Variants in PGPEP1L observed in about 807,000 individuals in gnomAD.
PGPEP1L encodes the protein pyroglutamyl-peptidase I like.
Under a neutral mutation model 6.0 loss-of-function variants are expected in PGPEP1L, and 7 were observed. That is an observed-to-expected ratio of 1.17 (90% CI 0.66 to 2.19). PGPEP1L has a LOEUF of 2.19. PGPEP1L is among the 30% of genes most tolerant of loss of function. The pLI, the probability that PGPEP1L is intolerant of heterozygous loss-of-function variation, is 0.00. For missense variants in PGPEP1L, 209 were observed against 192.5 expected, an observed-to-expected ratio of 1.09 and a Z score of -0.51; for synonymous variants, 103 against 83.9, an observed-to-expected ratio of 1.23 and a Z score of -1.24.
intron 2 of PGPEP1L, 119 bp downstream of exon 2, chr15:99,005,310 G>C (rs1484475529): frequency 6.6e-6 from 1 of 152,312 alleles, no homozygotes; most frequent in Non-Finnish European, 1.5e-5. Flanking sequence ...AGCACCACCA[G>C]TTGCCATTCT....
chr15:98,987,917 G>C (rs1239606187), intron 2 of PGPEP1L, among the ~76,000 whole-genome samples: 2 of 152,140 alleles, frequency 1.3e-5, no homozygotes, highest in African/African-American at 2.4e-5. Flanking sequence ...AAGGGAAGCT[G>C]TGAGAGACTG....
intron 2 of PGPEP1L, among the ~76,000 whole-genome samples, chr15:98,981,147 C>G (rs1383155283): frequency 6.6e-6 from 1 of 152,078 alleles, no homozygotes; most frequent in Non-Finnish European, 1.5e-5. Flanking sequence ...AATTGAGGAA[C>G]AAACTATCAA....
At chr15:98,982,145 G>T (rs1196401750) in intron 2 of PGPEP1L, among the ~76,000 whole-genome samples, 1 of 152,216 alleles carries the variant, frequency 6.6e-6, no homozygotes, top group Non-Finnish European at 1.5e-5. Context: ...TAGGAGCACG[G>T]TGTTTGTGGG....
chr15:98,974,678 C>G (rs112162002), intron 2 of PGPEP1L, among the ~76,000 whole-genome samples: 2 of 152,294 alleles, frequency 1.3e-5, no homozygotes, highest in African/African-American at 4.8e-5. Context: ...GGGTGGATCA[C>G]CTGAAGTTGA....
chr15:98,983,084 ATG>A (rs2017691374), intron 2 of PGPEP1L, among the ~76,000 whole-genome samples: 1 of 151,184 alleles, frequency 6.6e-6, no homozygotes, highest in African/African-American at 2.4e-5. Context: ...TCTGTCATAT[ATG>A]TGTTTGTATT....
chr15:98,976,334 A>G (rs1385518908), intron 2 of PGPEP1L, among the ~76,000 whole-genome samples: 1 of 152,234 alleles, frequency 6.6e-6, no homozygotes, highest in Non-Finnish European at 1.5e-5. Flanking sequence ...CGAAGACTAA[A>G]TCCGTAGTAA....
chr15:98,984,160 A>AC (rs999564470), intron 2 of PGPEP1L, among the ~76,000 whole-genome samples: 1 of 151,630 alleles, frequency 6.6e-6, no homozygotes, highest in Non-Finnish European at 1.5e-5. Flanking sequence ...ACAGGCGCCC[A>AC]CCACCACGCC....
chr15:98,971,080 C>T lies in PGPEP1L; in HGVS notation c.-63G>A. 6.2e-7 allele frequency: 1 copy of T among 1,613,746 alleles called. No homozygotes were observed. The highest frequency in any genetic ancestry group is 1.3e-5 in the African/African-American group (1 of 74,978). On this transcript the variant is annotated 5_prime_UTR_variant, in exon 3 of 5. Coordinates refer to ENST00000535714, the MANE Select transcript of PGPEP1L (RefSeq NM_001167902.2). Reference sequence around the variant, plus strand: ...CAGATTCCGGTGACCCTCCGCTTAGCCTCCCTGTAATCTACAGGCAGCTCC... The same window carrying T: ...CAGATTCCGGTGACCCTCCGCTTAGTCTCCCTGTAATCTACAGGCAGCTCC...
At position 99,007,566 on chromosome 15, in the gene PGPEP1L, T is replaced by TCAC. The variant is rs1555473964; in HGVS notation, c.-578_-577insGTG. On this transcript the variant is annotated 5_prime_UTR_variant, in exon 1 of 5. Transcript: ENST00000535714. ...ACTTCAGGAGTGAAGCTACGGACCT[T>TCAC]CATCATGAGTGCTACGGCTCTTAAG... 15 of 152,254 alleles carry TCAC rather than the reference T, an allele frequency of 9.9e-5. No individual in the cohort carries two copies. The highest frequency in any genetic ancestry group is 3.4e-4 in the African/African-American group (14 of 41,544). The allele number at this position is 152,254 out of a possible 1,614,324, so 9.4% of individuals were successfully genotyped here.
chr15:98,976,934 A>G (rs2017578355), intron 2 of PGPEP1L, among the ~76,000 whole-genome samples: 1 of 150,958 alleles, frequency 6.6e-6, no homozygotes, highest in Non-Finnish European at 1.5e-5. Context: ...CCTCACCTGT[A>G]TAATGGGTAC....
chr15:99,007,055 G>C (rs572863739), intron 1 of PGPEP1L, among the ~76,000 whole-genome samples: 2 of 152,156 alleles, frequency 1.3e-5, no homozygotes, highest in African/African-American at 4.8e-5. Flanking sequence ...CACCCCCGCG[G>C]ATTAGACCCC....
chr15:99,006,559 T>G (rs2018066883), intron 1 of PGPEP1L, among the ~76,000 whole-genome samples: 1 of 152,272 alleles, frequency 6.6e-6, no homozygotes, highest in Non-Finnish European at 1.5e-5. Flanking sequence ...CCAGGTGCAC[T>G]GGCTCACGCC....
At chr15:98,984,057 C>T (rs1475541951) in intron 2 of PGPEP1L, among the ~76,000 whole-genome samples, 1 of 146,800 alleles carries the variant, frequency 6.8e-6, no homozygotes, top group Non-Finnish European at 1.5e-5. Flanking sequence ...CACTCTGTCG[C>T]CCAGGCTGGA....
At chr15:98,983,496 GTGTTTTCAAAAACCCTTGTTT>G (rs534364618) in intron 2 of PGPEP1L, among the ~76,000 whole-genome samples, 24 of 152,234 alleles carry the variant, frequency 1.6e-4, no homozygotes, top group Admixed American at 1.4e-3. Flanking sequence ...GACCCTGGGT[GTGTTTTCAAAAACCCTTGTTT>G]TATTTGCTGA....
At chr15:98,970,620 T>C (rs2017479891) in intron 3 of PGPEP1L, among the ~76,000 whole-genome samples, 4 of 152,134 alleles carry the variant, frequency 2.6e-5, no homozygotes, top group South Asian at 2.1e-4. Context: ...GCTCGTGCTA[T>C]GAAGATGGGC....
chr15:99,000,025 C>G (rs2017938429), intron 2 of PGPEP1L, among the ~76,000 whole-genome samples: 1 of 152,254 alleles, frequency 6.6e-6, no homozygotes, highest in Non-Finnish European at 1.5e-5. Context: ...CGCCAGCTCT[C>G]TCAGCTTGCA....
At position 98,969,586 on chromosome 15, in the gene PGPEP1L, GTTCT is replaced by G. The variant is rs773405212; in HGVS notation, c.44_47del (p.Lys15ThrfsTer33). ...GGATGTCGGCGTCCCGGTAGCCTTG[GTTCT>G]TGCCAGACTGTTCCAGAATGATCGC... On this transcript the variant is annotated frameshift_variant, in exon 4 of 5. Coordinates refer to ENST00000535714, the MANE Select transcript of PGPEP1L (RefSeq NM_001167902.2). LOFTEE classifies it high-confidence loss of function. 1.2e-6 allele frequency: 2 copies of G among 1,613,790 alleles called. No individual in the cohort carries two copies. Among genetic ancestry groups the G allele is most frequent in the South Asian group, 2.2e-5 (2 of 91,082 alleles).
At chr15:98,982,067 T>TAG (rs1180471159) in intron 2 of PGPEP1L, among the ~76,000 whole-genome samples, 1 of 152,250 alleles carries the variant, frequency 6.6e-6, no homozygotes, top group Non-Finnish European at 1.5e-5. Flanking sequence ...AACATATGAC[T>TAG]CACTTGTCTG....
Position 99,007,701 on chromosome 15 carries a change from C to T in PGPEP1L, c.-712G>A, listed in dbSNP as rs11852530. 98,251 of 151,882 alleles carry T rather than the reference C, an allele frequency of 0.65. 33,384 individuals are homozygous for T. Among genetic ancestry groups the T allele is most frequent in the Non-Finnish European group, 0.76 (51,586 of 67,970 alleles). 9.4% of individuals were successfully genotyped at this position (151,882 alleles called of 1,614,324 possible). A position where few individuals can be genotyped will look rare whatever the true frequency, so the allele number is the denominator to read the frequency against. Reference sequence around the variant, plus strand: ...AGCGTTACAGCTCATAAAGGCAGTGCGGACCCAAACAGTAAGCAGCAGCAA... The same window carrying T: ...AGCGTTACAGCTCATAAAGGCAGTGTGGACCCAAACAGTAAGCAGCAGCAA... On this transcript the variant is annotated 5_prime_UTR_variant, in exon 1 of 5. Coordinates refer to ENST00000535714, the MANE Select transcript of PGPEP1L (RefSeq NM_001167902.2).
Sources: allele counts gnomAD v4.1 joint callset (sites outside exome capture counted in the v4.1 genomes callset), GRCh38; gene constraint gnomAD v4.1.1; transcripts MANE v1.5; gene names NCBI Gene and HGNC (gene_info 2026-07-23, HGNC 2026-07-21).